COL6A1: variants seen among roughly 807,000 people sequenced by gnomAD.
The protein encoded by COL6A1 is collagen alpha-1(VI) chain.
In COL6A1, 80 loss-of-function variants were observed where a neutral mutation model predicts 145.6. The observed-to-expected ratio is 0.55, with a 90% CI of 0.46 to 0.66. The LOEUF (loss-of-function observed/expected upper bound fraction) is 0.66. Ranked by LOEUF, COL6A1 falls within the 30% of genes least tolerant of loss-of-function variation. The pLI is 0.00. For missense variants in COL6A1, 1,364 were observed against 1,473.8 expected, an observed-to-expected ratio of 0.93 and a Z score of 1.22; for synonymous variants, 638 against 622.8, an observed-to-expected ratio of 1.02 and a Z score of -0.36.
Position 46,003,135 on chromosome 21 carries a change from A to G in COL6A1, c.2450A>G (p.Asp817Gly), listed in dbSNP as rs1202410517. ...TCTTTTACAGACAAGAAGTGTCCAG[A>G]TTACACCTGCCCCAGTGAGTACCTC... Reference protein sequence around the residue: ...AQICIDKKCPDYTCPITFSSP... With the variant: ...AQICIDKKCPGYTCPITFSSP... The change falls in exon 34 of 35, where the codon GAT becomes GGT. Residue 817 changes from aspartate (D) to glycine (G), a missense_variant. This residue lies in a region of COL6A1 where 938 missense variants were observed against 1,003.8 expected (regional missense o/e 0.93). Coordinates refer to ENST00000361866, the MANE Select transcript of COL6A1 (RefSeq NM_001848.3). 6.2e-7 allele frequency: 1 copy of G among 1,614,030 alleles called. No individual in the cohort carries two copies. Among genetic ancestry groups the G allele is most frequent in the Non-Finnish European group, 8.5e-7 (1 of 1,179,958 alleles).
chr21:45,999,795 G>A lies in COL6A1; in HGVS notation c.1776+103G>A, dbSNP rs563853179. 1.5e-5 allele frequency: 14 copies of A among 962,958 alleles called. No homozygotes were observed. The East Asian group carries it at 3.8e-4, about 26-fold the overall frequency. 59.7% of individuals were successfully genotyped at this position (962,958 alleles called of 1,614,324 possible). A position where few individuals can be genotyped will look rare whatever the true frequency, so the allele number is the denominator to read the frequency against. ...GTGCTCCTGTAGACGCTGCTCACGG[G>A]GGGGTGGGTTGTGGACAAAGAGCTG... On this transcript the variant is annotated intron_variant, in intron 27 of 34. Coordinates refer to ENST00000361866, the MANE Select transcript of COL6A1 (RefSeq NM_001848.3).
chr21:45,984,210 C>T (rs2077724141), intron 2 of COL6A1, 59 bp from the exon 3 acceptor site: 25 of 1,505,562 alleles, frequency 1.7e-5, no homozygotes, highest in Admixed American at 7.7e-5. Flanking sequence ...CGCCCTGGGA[C>T]GGGTAGCGAT....
chr21:45,990,226 T>C, intron 11 of COL6A1, 32 bp from the exon 12 acceptor site: 1 of 1,312,512 alleles, frequency 7.6e-7, no homozygotes, highest in Non-Finnish European at 1.1e-6. Flanking sequence ...CCACCCCAAA[T>C]ACCCCCTCAC....
Position 46,001,944 on chromosome 21 carries a change from C to A in COL6A1, c.1957-17C>A. Reference sequence around the variant, plus strand: ...TGGGGCAGCACTCGCGTCCTGACCCCGGTGCCGGTCCCACAGTTCGAGCCA... The same window carrying A: ...TGGGGCAGCACTCGCGTCCTGACCCAGGTGCCGGTCCCACAGTTCGAGCCA... On this transcript the variant is annotated splice_polypyrimidine_tract_variant and intron_variant, in intron 30 of 34. Transcript: ENST00000361866. The A allele has an allele frequency of 6.2e-7, 1 of 1,608,852 alleles. No homozygotes were observed. The highest frequency in any genetic ancestry group is 8.5e-7 in the Non-Finnish European group (1 of 1,177,942).
chr21:46,003,143 T>C lies in COL6A1; in HGVS notation c.2458T>C (p.Cys820Arg). 1 of 1,614,036 alleles carries C rather than the reference T, an allele frequency of 6.2e-7. No homozygotes were observed. The highest frequency in any genetic ancestry group is 8.5e-7 in the Non-Finnish European group (1 of 1,179,952). The change falls in exon 34 of 35, where the codon TGC (cysteine) becomes CGC (arginine). Residue 820 changes from cysteine to arginine, a missense_variant. Transcript: ENST00000361866. ...CIDKKCPDYT[C>R]PITFSSPADI... is the part of the protein sequence containing the mutation. ...AGACAAGAAGTGTCCAGATTACACCTGCCCCAGTGAGTACCTCGGCGGCCG... is the reference window on the plus strand; with the variant it reads ...AGACAAGAAGTGTCCAGATTACACCCGCCCCAGTGAGTACCTCGGCGGCCG...
At chr21:45,999,882 T>TGAGGATCATGGGAAGAC in intron 27 of COL6A1, among the ~76,000 whole-genome samples, 190 bp downstream of exon 27, 1 of 51,264 alleles carries the variant, frequency 2.0e-5, no homozygotes, top group African/African-American at 8.3e-5. Flanking sequence ...TAGGGGGATG[T>TGAGGATCATGGGAAGAC]GTGAGGACCA....
rs1414170465 is a variant in COL6A1 at position 45,994,237 on chromosome 21, G to A, written c.1398+8G>A. 1.2e-6 allele frequency: 2 copies of A among 1,608,486 alleles called. No homozygotes were observed. The highest frequency in any genetic ancestry group is 1.7e-5 in the Admixed American group (1 of 59,104). On this transcript the variant is annotated splice_region_variant and intron_variant, in intron 20 of 34. Coordinates refer to ENST00000361866, the MANE Select transcript of COL6A1 (RefSeq NM_001848.3). The surrounding 1 kb of genome is among the most constrained non-coding windows in gnomAD (Gnocchi z 6.8). ...GGTGTCCCTGGAGACCCGGTAGGAA[G>A]CGCTGTGGGGTTGGGGGGCGTTGGC...
At chr21:45,995,595 GA>G (rs1310605765) in intron 20 of COL6A1, among the ~76,000 whole-genome samples, 2 of 152,214 alleles carry the variant, frequency 1.3e-5, no homozygotes, top group Admixed American at 1.3e-4. Context: ...GCCACTATAA[GA>G]AAAAAACAAA....
In COL6A1 at chr21:46,003,872, C is replaced by T. The variant is rs1208174016; in HGVS notation, c.2946C>T (p.His982=). The T allele has an allele frequency of 4.4e-6, 7 of 1,600,036 alleles. No homozygotes were observed. Among genetic ancestry groups the T allele is most frequent in the Non-Finnish European group, 5.1e-6 (6 of 1,170,328 alleles). The part of the protein sequence containing the change: ...VVVGRQVNEP[H]IRVLVTGKTA... Reference sequence around the variant, plus strand: ...TGGGCCGCCAGGTGAATGAGCCCCACATCCGCGTCCTGGTCACCGGCAAGA... The same window carrying T: ...TGGGCCGCCAGGTGAATGAGCCCCATATCCGCGTCCTGGTCACCGGCAAGA... Residue 982 remains histidine (H), a synonymous_variant, in exon 35 of 35, where the codon CAC becomes CAT. Transcript: ENST00000361866.
chr21:45,994,339 T>G lies in COL6A1; in HGVS notation c.1398+110T>G. 5.9e-6 allele frequency: 6 copies of G among 1,019,210 alleles called. No individual in the cohort carries two copies. The highest frequency in any genetic ancestry group is 9.0e-6 in the Non-Finnish European group (6 of 670,292). The allele number at this position is 1,019,210 out of a possible 1,614,324, so 63.1% of individuals were successfully genotyped here. On this transcript the variant is annotated intron_variant, in intron 20 of 34. Transcript: ENST00000361866. This position sits in a 1 kb window ranked among gnomAD's most constrained non-coding sequence, Gnocchi z 6.8. ...CTGTTCATTTCCGTTTGAGGGCCTC[T>G]GTGTTTCCGTAGATCTCGGGGGTGT...
At chr21:45,999,816 A>G in intron 27 of COL6A1, 124 bp downstream of exon 27, 3 of 767,208 alleles carry the variant, frequency 3.9e-6, no homozygotes, top group South Asian at 1.5e-5. Flanking sequence ...GTGGACAAAG[A>G]GCTGGTGCCA....
chr21:45,991,106 CCT>C lies in COL6A1; in HGVS notation c.1119+69_1119+70del, dbSNP rs909111091. ...GGTTGGCCAAGCGCTGAATTGGAAA[CCT>C]CTCCTGGAAGCAAGTCCTGGTCCGA... On this transcript the variant is annotated intron_variant, in intron 15 of 34. Coordinates refer to ENST00000361866, the MANE Select transcript of COL6A1 (RefSeq NM_001848.3). 45 of 1,559,068 alleles carry C rather than the reference CCT, an allele frequency of 2.9e-5. No individual in the cohort carries two copies. In the African/African-American group the frequency reaches 3.8e-4, roughly 13 times the overall value.
At chr21:45,998,454 A>G in intron 24 of COL6A1, 21 bp downstream of exon 24, 3 of 1,613,086 alleles carry the variant, frequency 1.9e-6, no homozygotes, top group South Asian at 1.1e-5. Context: ...CCCCTCCTCC[A>G]TCTGGCTGTG....
At chr21:45,999,723 G>C (rs777549383) in intron 27 of COL6A1, 31 bp downstream of exon 27, 1 of 1,600,674 alleles carries the variant, frequency 6.2e-7, no homozygotes, top group African/African-American at 1.3e-5. Context: ...ATTGCTGGGG[G>C]CGACCACTGT....
In COL6A1 at chr21:45,994,619, G is replaced by A. The variant is rs1255192394; in HGVS notation, c.1398+390G>A. On this transcript the variant is annotated intron_variant, in intron 20 of 34. Transcript: ENST00000361866. This position sits in a 1 kb window ranked among gnomAD's most constrained non-coding sequence, Gnocchi z 6.8. Reference sequence around the variant, plus strand: ...GAGCCAGGCATGACTGTGGCTGGAGGTCAACTGGGGAGTGTGAGGCTATGG... The same window carrying A: ...GAGCCAGGCATGACTGTGGCTGGAGATCAACTGGGGAGTGTGAGGCTATGG... 6.6e-6 allele frequency among the ~76,000 whole-genome samples: 1 copy of A among 152,172 alleles called. No homozygotes were observed. The highest frequency in any genetic ancestry group is 1.5e-5 in the Non-Finnish European group (1 of 68,022).
Position 45,999,229 on chromosome 21 carries a change from G to A in COL6A1, c.1740+11G>A, listed in dbSNP as rs748309090. The A allele has an allele frequency of 1.9e-6, 3 of 1,587,398 alleles. No homozygotes were observed. The highest frequency in any genetic ancestry group is 2.3e-5 in the East Asian group (1 of 43,974). ...CCCGAGGGCCCCCAGGTGGGTGGATGTGGCTGGGTGAGGCCACGGTGGGCT... is the reference window on the plus strand; with the variant it reads ...CCCGAGGGCCCCCAGGTGGGTGGATATGGCTGGGTGAGGCCACGGTGGGCT... On this transcript the variant is annotated intron_variant, in intron 26 of 34. Coordinates refer to ENST00000361866, the MANE Select transcript of COL6A1 (RefSeq NM_001848.3).
Position 46,001,652 on chromosome 21 carries a change from G to A in COL6A1, c.1956+266G>A, listed in dbSNP as rs547288976. On this transcript the variant is annotated intron_variant, in intron 30 of 34. Transcript: ENST00000361866. ...GCGGTAGTCTGGGGTCCTGAGTGCT[G>A]GGTGTGGGCTTGTCCCTCGTGGACA... 1.4e-4 allele frequency among the ~76,000 whole-genome samples: 21 copies of A among 152,326 alleles called. 1 individual carries two copies. In the East Asian group the frequency reaches 3.7e-3, roughly 27 times the overall value.
chr21:45,984,017 C>T (rs1267219842), intron 2 of COL6A1, among the ~76,000 whole-genome samples: 1 of 152,210 alleles, frequency 6.6e-6, no homozygotes, highest in Admixed American at 6.5e-5. Context: ...GGACCCCACC[C>T]CAGCAGGGCC....
In COL6A1 at chr21:46,004,629, C is replaced by G; in HGVS notation, c.*616C>G. The G allele has an allele frequency of 2.4e-6, 1 of 419,820 alleles. No homozygotes were observed. The highest frequency in any genetic ancestry group is 4.9e-6 in the Non-Finnish European group (1 of 206,002). 26.0% of individuals were successfully genotyped at this position (419,820 alleles called of 1,614,324 possible). On this transcript the variant is annotated 3_prime_UTR_variant, in exon 35 of 35. Transcript: ENST00000361866. ...TTTTGGGAAACCAAGGTCAGGAGGC[C>G]GTTGCAGACATAAATCTCGGCGACT...
Sources: gnomAD v4.1 joint callset for allele counts (sites outside exome capture counted in the v4.1 genomes callset) on GRCh38, gnomAD v4.1.1 for gene constraint, gnomAD v4.1.1 regional missense constraint, Gnocchi (gnomAD v3.1) non-coding constraint, MANE v1.5 for transcripts, NCBI Gene and HGNC (gene_info 2026-07-23, HGNC 2026-07-21) for gene names.